PKHD1L1: variants seen among roughly 807,000 people sequenced by gnomAD.
PKHD1L1 encodes PKHD1 like 1, also known as fibrocystin-L.
Under a neutral mutation model 462.9 loss-of-function variants are expected in PKHD1L1, and 434 were observed. The observed-to-expected ratio is 0.94, with a 90% CI of 0.87 to 1.02. The LOEUF is 1.02. PKHD1L1 is among the 50% of genes least tolerant of loss of function. The pLI is 0.00. For missense variants in PKHD1L1, 5,202 were observed against 5,096.1 expected (o/e 1.02, Z -0.63); for synonymous variants, 1,781 against 1,750.0 (o/e 1.02, Z -0.44).
intron 2 of PKHD1L1, among the ~76,000 whole-genome samples, chr8:109,377,537 T>A (rs747729969): frequency 8.6e-5 from 13 of 152,042 alleles, no homozygotes; most frequent in Non-Finnish European, 1.6e-4. Context: ...TAAAGTAGAG[T>A]TTTACTGTTA....
intron 65 of PKHD1L1, among the ~76,000 whole-genome samples, chr8:109,497,988 C>A (rs1819201410): frequency 6.6e-6 from 1 of 151,882 alleles, no homozygotes; most frequent in Non-Finnish European, 1.5e-5. Context: ...GGGGTAGCAA[C>A]CTTTTTCATC....
intron 50 of PKHD1L1, among the ~76,000 whole-genome samples, chr8:109,468,903 A>T (rs866300779): frequency 2.0e-5 from 3 of 152,120 alleles, no homozygotes; most frequent in Non-Finnish European, 2.9e-5. Context: ...AGAAGCAGTG[A>T]ATTTCTACCT....
rs777182917 is a variant in PKHD1L1 at position 109,507,928 on chromosome 8, C to T, written c.11227+33C>T. 1.9e-6 allele frequency: 3 copies of T among 1,593,320 alleles called. No homozygotes were observed. In the African/African-American group the frequency reaches 4.0e-5, roughly 21 times the overall value. On this transcript the variant is annotated intron_variant, in intron 69 of 77. Transcript: ENST00000378402. ...GGATCTTGCTTAATCTGTCATTAGGCCTTAAACTCATGAAACAAAATATGT... is the reference window on the plus strand; with the variant it reads ...GGATCTTGCTTAATCTGTCATTAGGTCTTAAACTCATGAAACAAAATATGT...
intron 2 of PKHD1L1, among the ~76,000 whole-genome samples, chr8:109,378,902 T>C (rs1027946313): frequency 6.6e-6 from 1 of 152,192 alleles, no homozygotes; most frequent in African/African-American, 2.4e-5. Context: ...TGCAGATCTA[T>C]GTGTCTCAAC....
At chr8:109,478,691 A>G (rs1444583631) in intron 53 of PKHD1L1, among the ~76,000 whole-genome samples, 5 of 152,092 alleles carry the variant, frequency 3.3e-5, no homozygotes, top group Non-Finnish European at 7.4e-5. Context: ...AGGTAGATAT[A>G]ATTATTAAAT....
At chr8:109,426,947 C>T (rs1814782542) in intron 24 of PKHD1L1, 55 bp from the exon 25 acceptor site, 4 of 1,011,114 alleles carry the variant, frequency 4.0e-6, no homozygotes, top group Non-Finnish European at 6.3e-6. Flanking sequence ...ACCACCACAT[C>T]CGGCCCGTTT....
chr8:109,437,365 T>G (rs1184206728), intron 30 of PKHD1L1, among the ~76,000 whole-genome samples: 1 of 152,204 alleles, frequency 6.6e-6, no homozygotes, highest in African/African-American at 2.4e-5. Flanking sequence ...TATTATGCTT[T>G]AAGTTTTAGG....
At chr8:109,417,597 G>A (rs1213869705) in intron 21 of PKHD1L1, among the ~76,000 whole-genome samples, 1 of 152,132 alleles carries the variant, frequency 6.6e-6, no homozygotes, top group East Asian at 1.9e-4. Context: ...AGGTTGGAGT[G>A]CAGTGGTGTG....
chr8:109,500,346 G>T (rs1026511331), intron 67 of PKHD1L1, among the ~76,000 whole-genome samples: 17 of 150,978 alleles, frequency 1.1e-4, no homozygotes, highest in Non-Finnish European at 1.9e-4. Context: ...TGTCAAGATG[G>T]CTTGCCTGGT....
chr8:109,440,932 G>T, intron 33 of PKHD1L1, 80 bp downstream of exon 33: 2 of 1,452,452 alleles, frequency 1.4e-6, no homozygotes, highest in Non-Finnish European at 1.8e-6. Flanking sequence ...GTTATTATAT[G>T]AATATTCTAA....
chr8:109,399,534 A>T (rs923488839), intron 12 of PKHD1L1, among the ~76,000 whole-genome samples: 2 of 152,146 alleles, frequency 1.3e-5, no homozygotes, highest in African/African-American at 4.8e-5. Context: ...TCTGTCCAAG[A>T]AGGAGAAGAA....
intron 27 of PKHD1L1, among the ~76,000 whole-genome samples, chr8:109,432,351 A>T (rs1215774964): frequency 6.6e-6 from 1 of 152,152 alleles, no homozygotes; most frequent in African/African-American, 2.4e-5. Flanking sequence ...ATCCATTTCT[A>T]CCTCAAAGTC....
chr8:109,507,205 A>C (rs1044145443), intron 68 of PKHD1L1, among the ~76,000 whole-genome samples: 10 of 152,182 alleles, frequency 6.6e-5, no homozygotes, highest in African/African-American at 2.4e-4. Flanking sequence ...ATTATTTTAT[A>C]GTAAGCAATA....
chr8:109,378,078 C>T (rs777220329), intron 2 of PKHD1L1, among the ~76,000 whole-genome samples: 1 of 152,052 alleles, frequency 6.6e-6, no homozygotes, highest in Non-Finnish European at 1.5e-5. Flanking sequence ...ATCAGCCTTC[C>T]CCTTGCTCCA....
Position 109,515,152 on chromosome 8 carries a change from C to CT in PKHD1L1, c.11554-10dup. On this transcript the variant is annotated splice_polypyrimidine_tract_variant and intron_variant, in intron 71 of 77. Coordinates refer to ENST00000378402, the MANE Select transcript of PKHD1L1 (RefSeq NM_177531.6). Reference sequence around the variant, plus strand: ...ATTCTATTTTGTTGCTTTCTTAAAACTTTTTTTTCTTTAATAGGCTGTTCT... The same window carrying CT: ...ATTCTATTTTGTTGCTTTCTTAAAACTTTTTTTTTCTTTAATAGGCTGTTCT... 42 of 1,509,692 alleles carry CT rather than the reference C, an allele frequency of 2.8e-5. No homozygotes were observed. The highest frequency in any genetic ancestry group is 5.2e-5 in the South Asian group (4 of 77,494). 93.5% of individuals were successfully genotyped at this position (1,509,692 alleles called of 1,614,324 possible). A position where few individuals can be genotyped will look rare whatever the true frequency, so the allele number is the denominator to read the frequency against.
chr8:109,472,594 C>T (rs1414516045), intron 50 of PKHD1L1, among the ~76,000 whole-genome samples: 1 of 152,022 alleles, frequency 6.6e-6, no homozygotes, highest in Admixed American at 6.6e-5. Flanking sequence ...CAAGGCTCAA[C>T]GCAGGACATT....
rs1820954642 is a variant in PKHD1L1, at chr8:109,529,068, G to A, written c.12722-1012G>A. ...ATTTAGAAGAATACTAAAGCATATTGAGCAATAAAAGCCAAGACTAGATTT... is the reference window on the plus strand; with the variant it reads ...ATTTAGAAGAATACTAAAGCATATTAAGCAATAAAAGCCAAGACTAGATTT... On this transcript the variant is annotated intron_variant, in intron 77 of 77. Coordinates refer to ENST00000378402, the MANE Select transcript of PKHD1L1 (RefSeq NM_177531.6). Among the ~76,000 whole-genome samples, 3 of 152,136 alleles carry A rather than the reference G, an allele frequency of 2.0e-5. No homozygotes were observed. The South Asian group carries it at 6.2e-4, about 32-fold the overall frequency.
At chr8:109,488,539 T>G (rs1243352377) in intron 59 of PKHD1L1, among the ~76,000 whole-genome samples, 1 of 152,052 alleles carries the variant, frequency 6.6e-6, no homozygotes, top group Non-Finnish European at 1.5e-5. Flanking sequence ...GAAGATGTTA[T>G]TTGGATCCCA....
chr8:109,455,338 T>C (rs1816759185), intron 45 of PKHD1L1, among the ~76,000 whole-genome samples: 1 of 152,098 alleles, frequency 6.6e-6, no homozygotes, highest in African/African-American at 2.4e-5. Context: ...ACTCTGTCTC[T>C]GTGTCAACAA....
Sources: gnomAD v4.1 joint callset for allele counts (sites outside exome capture counted in the v4.1 genomes callset) on GRCh38, gnomAD v4.1.1 for gene constraint, MANE v1.5 for transcripts, NCBI Gene and HGNC (gene_info 2026-07-23, HGNC 2026-07-21) for gene names.